Variants in SUPT3H observed in about 807,000 individuals in gnomAD.
SUPT3H encodes SPT3 homolog, SAGA and STAGA complex component.
In SUPT3H, 44 loss-of-function variants were observed where a neutral mutation model predicts 44.3. The ratio of observed to expected loss-of-function variants is 0.99; its 90% CI spans 0.78 to 1.28. The LOEUF is 1.28. Ranked by LOEUF, SUPT3H falls within the 50% of genes most tolerant of loss-of-function variation. The probability of loss-of-function intolerance (pLI) is 0.00; values close to 1 mark genes in which losing one functional copy is unlikely to be tolerated. For missense variants in SUPT3H, 380 were observed against 387.1 expected (o/e 0.98, Z 0.15); for synonymous variants, 124 against 125.6 (o/e 0.99, Z 0.09).
chr6:45,189,795 A>T (rs1247283582), intron 2 of SUPT3H, among the ~76,000 whole-genome samples: 1 of 152,216 alleles, frequency 6.6e-6, no homozygotes, highest in Non-Finnish European at 1.5e-5. Flanking sequence ...TTTTATTTTT[A>T]TTGGAAAGCC....
At chr6:44,815,193 G>A (rs1283341518) in intron 11 of SUPT3H, among the ~76,000 whole-genome samples, 1 of 152,064 alleles carries the variant, frequency 6.6e-6, no homozygotes, top group Non-Finnish European at 1.5e-5. Flanking sequence ...AGTCTTCTGA[G>A]TTTTTTGTTT....
intron 2 of SUPT3H, among the ~76,000 whole-genome samples, chr6:45,215,480 T>C (rs1227276807): frequency 6.6e-6 from 1 of 152,070 alleles, no homozygotes; most frequent in Non-Finnish European, 1.5e-5. Flanking sequence ...AGAAAAATTA[T>C]ATGAAGTGAT....
intron 2 of SUPT3H, among the ~76,000 whole-genome samples, chr6:45,288,577 A>G (rs1406864235): frequency 0.032 from 1,146 of 35,476 alleles, 37 homozygotes; most frequent in East Asian, 0.088. Flanking sequence ...ATATATATAT[A>G]TATATGTATA....
At chr6:45,257,608 T>C (rs1457399918) in intron 2 of SUPT3H, among the ~76,000 whole-genome samples, 1 of 152,172 alleles carries the variant, frequency 6.6e-6, no homozygotes, top group African/African-American at 2.4e-5. Flanking sequence ...TAATTTATAA[T>C]AAAAATTTAT....
At chr6:45,249,975 G>T (rs1424089067) in intron 2 of SUPT3H, among the ~76,000 whole-genome samples, 2 of 152,002 alleles carry the variant, frequency 1.3e-5, no homozygotes, top group Non-Finnish European at 2.9e-5. Context: ...AGACTAAAAG[G>T]TTCCTGTTTG....
intron 4 of SUPT3H, among the ~76,000 whole-genome samples, chr6:45,017,090 G>A (rs1784404337): frequency 1.3e-5 from 2 of 152,056 alleles, no homozygotes. Flanking sequence ...TTCTCTGATG[G>A]CCAGTGATGA....
chr6:45,370,843 C>T (rs1436324942), intron 1 of SUPT3H, among the ~76,000 whole-genome samples: 1 of 152,110 alleles, frequency 6.6e-6, no homozygotes, highest in Non-Finnish European at 1.5e-5. Context: ...AGCATATCCT[C>T]CTTCTTTAGT....
At chr6:45,321,427 T>C (rs1785480430) in intron 2 of SUPT3H, among the ~76,000 whole-genome samples, 1 of 152,086 alleles carries the variant, frequency 6.6e-6, no homozygotes, top group South Asian at 2.1e-4. Context: ...TTGACACATT[T>C]ATTTTACAAA....
In SUPT3H at chr6:45,188,736, AT is replaced by A. The variant is rs113317630; in HGVS notation, c.102-82731del. 1.7e-3 allele frequency among the ~76,000 whole-genome samples: 252 copies of A among 150,374 alleles called. 4 individuals carry two copies. The Middle Eastern group carries it at 0.021, about 12-fold the overall frequency. On this transcript the variant is annotated intron_variant, in intron 2 of 10. Transcript: ENST00000371459. ...CAACATAATTCAACATCATTTCATG[AT>A]TTAAAAAAAAAAACTCTCAGCAAAT...
At chr6:45,226,080 C>T (rs1766885999) in intron 2 of SUPT3H, among the ~76,000 whole-genome samples, 1 of 152,158 alleles carries the variant, frequency 6.6e-6, no homozygotes, top group African/African-American at 2.4e-5. Context: ...TAAGCACTTA[C>T]AATGTGTCAA....
intron 2 of SUPT3H, chr6:45,328,290 G>GT: frequency 7.3e-7 from 1 of 1,366,520 alleles, no homozygotes; most frequent in Non-Finnish European, 9.8e-7. Flanking sequence ...AAAAAAAGGA[G>GT]TTTTAAAGCT....
At chr6:45,210,541 G>T (rs544516770) in intron 2 of SUPT3H, among the ~76,000 whole-genome samples, 5 of 152,086 alleles carry the variant, frequency 3.3e-5, no homozygotes, top group Non-Finnish European at 7.4e-5. Context: ...CTGCCTTTCT[G>T]GACAGAACTA....
At chr6:45,056,132 T>C (rs1188290407) in intron 3 of SUPT3H, among the ~76,000 whole-genome samples, 2 of 152,098 alleles carry the variant, frequency 1.3e-5, no homozygotes, top group African/African-American at 4.8e-5. Flanking sequence ...TGAGATACCA[T>C]GCCACTTTAC....
At chr6:44,878,990 C>A (rs967909993) in intron 10 of SUPT3H, among the ~76,000 whole-genome samples, 6 of 152,132 alleles carry the variant, frequency 3.9e-5, no homozygotes, top group Non-Finnish European at 8.8e-5. Context: ...AAGCACAAAA[C>A]TGGGCAGCTG....
intron 10 of SUPT3H, among the ~76,000 whole-genome samples, chr6:44,916,574 A>C (rs1041752836): frequency 6.6e-6 from 1 of 152,156 alleles, no homozygotes; most frequent in Non-Finnish European, 1.5e-5. Context: ...ACTAACTGAA[A>C]ATGGACATAG....
chr6:45,020,011 T>C (rs1269352646), intron 4 of SUPT3H, among the ~76,000 whole-genome samples: 1 of 151,882 alleles, frequency 6.6e-6, no homozygotes, highest in African/African-American at 2.4e-5. Flanking sequence ...TAATACCAGA[T>C]TTCAAAGAGT....
chr6:45,105,830 G>C, intron 3 of SUPT3H, 92 bp downstream of exon 3: 1 of 979,150 alleles, frequency 1.0e-6, no homozygotes. Flanking sequence ...AAGAATTCCA[G>C]CTGTAAATAA....
At chr6:44,863,842 G>C (rs986501266) in intron 10 of SUPT3H, among the ~76,000 whole-genome samples, 1 of 152,072 alleles carries the variant, frequency 6.6e-6, no homozygotes, top group African/African-American at 2.4e-5. Context: ...GCAAGAGAGA[G>C]AATAAGAGTC....
intron 2 of SUPT3H, among the ~76,000 whole-genome samples, chr6:45,236,425 C>G (rs78740521): frequency 6.6e-6 from 1 of 152,098 alleles, no homozygotes; most frequent in Non-Finnish European, 1.5e-5. Flanking sequence ...ATCTTGGAAC[C>G]TTTTCACACT....
Sources: allele counts gnomAD v4.1 joint callset (sites outside exome capture counted in the v4.1 genomes callset), GRCh38; gene constraint gnomAD v4.1.1; transcripts MANE v1.5; gene names NCBI Gene and HGNC (gene_info 2026-07-23, HGNC 2026-07-21).